Variants in BCAN observed in about 807,000 individuals in gnomAD.
BCAN encodes brevican core protein.
Under a neutral mutation model 92.4 loss-of-function variants are expected in BCAN, and 51 were observed. The ratio of observed to expected loss-of-function variants is 0.55; its 90% CI spans 0.44 to 0.70. BCAN has a LOEUF of 0.70. Ranked by LOEUF, BCAN falls within the 30% of genes least tolerant of loss-of-function variation. The pLI is 0.00. For synonymous variants in BCAN, 501 were observed against 505.2 expected (o/e 0.99, Z 0.11); for missense variants, 1,140 against 1,212.1 (o/e 0.94, Z 0.88).
intron 8 of BCAN, chr1:156,653,209 A>G (rs1308814290): frequency 3.8e-6 from 5 of 1,324,010 alleles, no homozygotes; most frequent in Non-Finnish European, 4.8e-6. Flanking sequence ...GGCCTCTCCA[A>G]GGGTCCTCAT....
At chr1:156,656,156 G>A (rs1341286836) in intron 8 of BCAN, 126 bp from the exon 9 acceptor site, 11 of 533,782 alleles carry the variant, frequency 2.1e-5, no homozygotes, top group Admixed American at 4.1e-5. Flanking sequence ...AACTTTTAGG[G>A]TGCTGTTATA....
chr1:156,647,536 T>G lies in BCAN; in HGVS notation c.495T>G (p.Ser165=), dbSNP rs772163617. Residue 165 remains serine, a synonymous_variant, in exon 4 of 14, where the codon TCT becomes TCG. Transcript: ENST00000329117. This position sits in a 1 kb window ranked among gnomAD's most constrained non-coding sequence, Gnocchi z 4.8. The part of the protein sequence containing the change: ...KGVVFLYREG[S]ARYAFSFSGA... The stretch of plus-strand genomic sequence containing the variant: ...TCGTCTTTCTCTACCGAGAGGGCTC[T>G]GCCCGCTATGCTTTCTCCTTTTCTG... 3.1e-6 allele frequency: 5 copies of G among 1,593,340 alleles called. No homozygotes were observed. The African/African-American group carries it at 6.8e-5, about 22-fold the overall frequency.
intron 1 of BCAN, 93 bp from the exon 2 acceptor site, chr1:156,645,954 A>G: frequency 9.7e-7 from 1 of 1,027,138 alleles, no homozygotes; most frequent in Non-Finnish European, 1.4e-6. Flanking sequence ...TGGAGCCAGG[A>G]TATGTGTGAA....
At position 156,658,588 on chromosome 1, in the gene BCAN, G is replaced by A; in HGVS notation, c.2483G>A (p.Gly828Asp). The change falls in exon 13 of 14, where the codon GGC becomes GAC. Residue 828 changes from glycine (G) to aspartate (D), a missense_variant. Physicochemically the swap from Gly to Asp is moderately conservative, Grantham distance 94. Around this residue, in one of 3 missense-constraint regions of BCAN, gnomAD observed 825 missense variants for 871.8 expected, o/e 0.95. Coordinates refer to ENST00000329117, the MANE Select transcript of BCAN (RefSeq NM_021948.5). This position sits in a 1 kb window ranked among gnomAD's most constrained non-coding sequence, Gnocchi z 4.4. The part of the protein sequence containing the change: ...PPELPLAQVF[G>D]RPRLRYEVDT... ...GAGCTGCCCCTGGCTCAAGTGTTCG[G>A]CCGCCCACGGCTGCGCTATGAGGTG... is the stretch of plus-strand genomic sequence containing the variant. 6.2e-7 allele frequency: 1 copy of A among 1,613,898 alleles called. No individual in the cohort carries two copies. Among genetic ancestry groups the A allele is most frequent in the East Asian group, 2.2e-5 (1 of 44,898 alleles).
rs1367445028 is a variant in BCAN at position 156,646,042 on chromosome 1, G to A, written c.-8-5G>A. The A allele has an allele frequency of 1.2e-6, 2 of 1,608,854 alleles. No homozygotes were observed. Among genetic ancestry groups the A allele is most frequent in the Non-Finnish European group, 8.5e-7 (1 of 1,175,932 alleles). On this transcript the variant is annotated splice_polypyrimidine_tract_variant and splice_region_variant and intron_variant, in intron 1 of 13. Transcript: ENST00000329117. ...CCATCTTTCCTTCTCATGTCCCTCTGTCAGCCTGCAGCATGGCCCAGCTGT... is the reference window on the plus strand; with the variant it reads ...CCATCTTTCCTTCTCATGTCCCTCTATCAGCCTGCAGCATGGCCCAGCTGT...
Position 156,656,992 on chromosome 1 carries a change from A to C in BCAN, c.2105A>C (p.His702Pro). The stretch of plus-strand genomic sequence containing the variant: ...GCCTTCCAGGGCGCCTGCTACAAGC[A>C]CTTTTCCACACGAAGGAGCTGGGAG... ...WDAFQGACYK[H>P]FSTRRSWEEA... The change falls in exon 10 of 14, where the codon CAC (histidine) becomes CCC (proline). Residue 702 changes from histidine to proline, a missense_variant. His to Pro is a moderately conservative substitution (Grantham distance 77). Coordinates refer to ENST00000329117, the MANE Select transcript of BCAN (RefSeq NM_021948.5). The C allele has an allele frequency of 1.2e-6, 2 of 1,614,124 alleles. No homozygotes were observed. The highest frequency in any genetic ancestry group is 1.1e-5 in the South Asian group (1 of 91,084).
intron 8 of BCAN, 54 bp downstream of exon 8, chr1:156,652,946 C>G: frequency 6.3e-7 from 1 of 1,598,590 alleles, no homozygotes; most frequent in Admixed American, 1.7e-5. Context: ...TTTCTTCCCC[C>G]TGCAGCTCTG....
chr1:156,648,983 G>A, intron 6 of BCAN, 122 bp downstream of exon 6: 1 of 1,179,084 alleles, frequency 8.5e-7, no homozygotes, highest in Non-Finnish European at 1.2e-6. Flanking sequence ...AAGTGGTCGT[G>A]GGTGAAGTCC....
chr1:156,656,351 T>C lies in BCAN; in HGVS notation c.2012T>C (p.Leu671Pro), dbSNP rs182002297. The C allele has an allele frequency of 2.5e-5, 35 of 1,412,944 alleles. No individual in the cohort carries two copies. The highest frequency in any genetic ancestry group is 6.0e-5 in the Admixed American group (2 of 33,352). The allele number at this position is 1,412,944 out of a possible 1,614,324, so 87.5% of individuals were successfully genotyped here. The change falls in exon 9 of 14, where the codon CTA (leucine) becomes CCA (proline). Residue 671 changes from leucine to proline, a missense_variant. Around this residue, in one of 3 missense-constraint regions of BCAN, gnomAD observed 825 missense variants for 871.8 expected, o/e 0.95. Transcript: ENST00000329117. ...GAGGAGGAGGAAGGGGTCCGCTGCCTATGTCTGCCTGGCTATGGGGGGGAC... is the reference window on the plus strand; with the variant it reads ...GAGGAGGAGGAAGGGGTCCGCTGCCCATGTCTGCCTGGCTATGGGGGGGAC... Reference protein sequence around the residue: ...CLEEEEGVRCLCLPGYGGDLC... With the variant: ...CLEEEEGVRCPCLPGYGGDLC...
chr1:156,648,542 A>T, intron 5 of BCAN, 26 bp from the exon 6 acceptor site: 1 of 1,555,594 alleles, frequency 6.4e-7, no homozygotes, highest in East Asian at 2.3e-5. Flanking sequence ...GCTGCCTGAT[A>T]ACCCAGCCTT....
Position 156,647,246 on chromosome 1 carries a change from C to G in BCAN, c.466+71C>G. The G allele has an allele frequency of 2.8e-6, 4 of 1,453,914 alleles. No individual in the cohort carries two copies. The highest frequency in any genetic ancestry group is 3.6e-6 in the Non-Finnish European group (4 of 1,096,106). 90.1% of individuals were successfully genotyped at this position (1,453,914 alleles called of 1,614,324 possible). On this transcript the variant is annotated intron_variant, in intron 3 of 13. Transcript: ENST00000329117. This position sits in a 1 kb window ranked among gnomAD's most constrained non-coding sequence, Gnocchi z 4.8. ...GGGAGGACTCTTGCCTTCGGGGATCCCACAGTGTGAGAGGGAAGCAAAGGT... is the reference window on the plus strand; with the variant it reads ...GGGAGGACTCTTGCCTTCGGGGATCGCACAGTGTGAGAGGGAAGCAAAGGT...
At chr1:156,653,576 TC>T in intron 8 of BCAN, 1 of 970,536 alleles carries the variant, frequency 1.0e-6, no homozygotes, top group Non-Finnish European at 1.2e-6. Flanking sequence ...TCCATGTCTC[TC>T]CCTGTCTCTG....
intron 10 of BCAN, 100 bp from the exon 11 acceptor site, chr1:156,657,575 G>C (rs547909138): frequency 4.4e-6 from 4 of 915,534 alleles, no homozygotes; most frequent in East Asian, 2.8e-5. Flanking sequence ...GCTGGATCGC[G>C]GGGAAGGGTT....
In BCAN at chr1:156,647,132, C is replaced by G; in HGVS notation, c.423C>G (p.His141Gln). ...DSGIYRCEVQ[H>Q]GIDDSSDAVE... is the part of the protein sequence containing the mutation. Reference sequence around the variant, plus strand: ...GTATCTATCGCTGTGAGGTCCAGCACGGCATCGATGACAGCAGCGACGCTG... The same window carrying G: ...GTATCTATCGCTGTGAGGTCCAGCAGGGCATCGATGACAGCAGCGACGCTG... Residue 141 changes from histidine to glutamine, a missense_variant, in exon 3 of 14, where the codon CAC becomes CAG. By Grantham distance (24) the His-to-Gln change is conservative. Around this residue, in one of 3 missense-constraint regions of BCAN, gnomAD observed 286 missense variants for 284.1 expected, o/e 1.01. Coordinates refer to ENST00000329117, the MANE Select transcript of BCAN (RefSeq NM_021948.5). The surrounding 1 kb of genome is among the most constrained non-coding windows in gnomAD (Gnocchi z 4.8). The G allele has an allele frequency of 1.4e-6, 2 of 1,408,628 alleles. No homozygotes were observed. Among genetic ancestry groups the G allele is most frequent in the Non-Finnish European group, 1.9e-6 (2 of 1,045,682 alleles). The allele number at this position is 1,408,628 out of a possible 1,614,324, so 87.3% of individuals were successfully genotyped here.
At chr1:156,657,397 G>T in intron 10 of BCAN, 1 of 550,728 alleles carries the variant, frequency 1.8e-6, no homozygotes, top group Non-Finnish European at 3.2e-6. Context: ...ACCTCCGTCG[G>T]CCTCCTCCAA....
Position 156,647,171 on chromosome 1 carries a change from C to T in BCAN, c.462C>T (p.Val154=). Residue 154 remains valine, a synonymous_variant, in exon 3 of 14, where the codon GTC becomes GTT. Transcript: ENST00000329117. This position sits in a 1 kb window ranked among gnomAD's most constrained non-coding sequence, Gnocchi z 4.8. ...DDSSDAVEVK[V]KGVVFLYREG... ...GCAGCGACGCTGTGGAGGTCAAGGT[C>T]AAAGGTGAGAGGGCAGGGAGGTTCC... The T allele has an allele frequency of 1.0e-6, 1 of 993,998 alleles. No individual in the cohort carries two copies. The highest frequency in any genetic ancestry group is 1.3e-6 in the Non-Finnish European group (1 of 757,000). 61.6% of individuals were successfully genotyped at this position (993,998 alleles called of 1,614,324 possible). A position where few individuals can be genotyped will look rare whatever the true frequency, so the allele number is the denominator to read the frequency against.
At chr1:156,649,358 C>T (rs780961132) in intron 6 of BCAN, among the ~76,000 whole-genome samples, 1 of 152,190 alleles carries the variant, frequency 6.6e-6, no homozygotes, top group Non-Finnish European at 1.5e-5. Context: ...GGAGCAAGAC[C>T]TTAAGTACAG....
At position 156,652,702 on chromosome 1, in the gene BCAN, G is replaced by T. The variant is rs142167508; in HGVS notation, c.1752G>T (p.Glu584Asp). The T allele has an allele frequency of 6.2e-7, 1 of 1,607,104 alleles. No homozygotes were observed. Among genetic ancestry groups the T allele is most frequent in the Non-Finnish European group, 8.5e-7 (1 of 1,175,450 alleles). The change falls in exon 8 of 14, where the codon GAG becomes GAT. Residue 584 changes from glutamate to aspartate, a missense_variant. Around this residue, in one of 3 missense-constraint regions of BCAN, gnomAD observed 825 missense variants for 871.8 expected, o/e 0.95. Coordinates refer to ENST00000329117, the MANE Select transcript of BCAN (RefSeq NM_021948.5). ...LSGVPRGESEETGSSEGAPSL... is the reference protein window; with the variant it reads ...LSGVPRGESEDTGSSEGAPSL... ...GGGTCCCTCGAGGAGAGAGCGAGGAGACAGGAAGCTCCGAGGGTGCCCCTT... is the reference window on the plus strand; with the variant it reads ...GGGTCCCTCGAGGAGAGAGCGAGGATACAGGAAGCTCCGAGGGTGCCCCTT...
intron 6 of BCAN, among the ~76,000 whole-genome samples, chr1:156,650,150 G>GTAGTAA (rs1210029733): frequency 1.3e-5 from 2 of 151,666 alleles, no homozygotes; most frequent in African/African-American, 4.8e-5. Flanking sequence ...AGTAGTAGTA[G>GTAGTAA]TAATAATAAT....
Sources: allele counts gnomAD v4.1 joint callset (sites outside exome capture counted in the v4.1 genomes callset), GRCh38; gene constraint gnomAD v4.1.1; regional missense constraint gnomAD v4.1.1; non-coding constraint Gnocchi (gnomAD v3.1); transcripts MANE v1.5; gene names NCBI Gene and HGNC (gene_info 2026-07-23, HGNC 2026-07-21).